VAV2: variants seen among roughly 807,000 people sequenced by gnomAD.
The protein encoded by VAV2 is guanine nucleotide exchange factor VAV2.
In VAV2, 67 loss-of-function variants were observed where a neutral mutation model predicts 132.5. That is an observed-to-expected ratio of 0.51 (90% CI 0.42 to 0.62). VAV2 has a LOEUF of 0.62. VAV2 is among the 20% of genes least tolerant of loss of function. VAV2 has a pLI of 0.00. For missense variants in VAV2, 938 were observed against 1,153.6 expected (o/e 0.81, Z 2.71); for synonymous variants, 492 against 443.5 (o/e 1.11, Z -1.37).
Position 133,788,581 on chromosome 9 carries a change from G to T in VAV2, c.1275-95C>A. ...AGCTGAGCCTGAGGCTCTGGCACGC[G>T]GCTCCCTCTCCGGGCGAGCCCTGCC... is the stretch of plus-strand genomic sequence containing the variant. On this transcript the variant is annotated intron_variant, in intron 14 of 29. Transcript: ENST00000371850. The surrounding 1 kb of genome is among the most constrained non-coding windows in gnomAD (Gnocchi z 5.3). 6.6e-7 allele frequency: 1 copy of T among 1,524,344 alleles called. No homozygotes were observed. The allele number at this position is 1,524,344 out of a possible 1,614,324, so 94.4% of individuals were successfully genotyped here.
At position 133,887,020 on chromosome 9, in the gene VAV2, G is replaced by A. The variant is rs193008695; in HGVS notation, c.322-25588C>T. On this transcript the variant is annotated intron_variant, in intron 2 of 29. Transcript: ENST00000371850. ...GTGCCAAGCCCCCCCTCCCCACCCC[G>A]GGCCCTCCTGCTCTCCCTCAGCAGT... is the stretch of plus-strand genomic sequence containing the variant. Among the ~76,000 whole-genome samples the A allele has an allele frequency of 2.3e-3, 333 of 144,130 alleles. 1 individual carries two copies. The highest frequency in any genetic ancestry group is 8.0e-3 in the African/African-American group (321 of 40,138). The allele number at this position is 144,130 out of a possible 152,430, so 94.6% of individuals were successfully genotyped here.
intron 4 of VAV2, among the ~76,000 whole-genome samples, chr9:133,814,038 T>C (rs1156635843): frequency 6.6e-6 from 1 of 151,420 alleles, no homozygotes; most frequent in East Asian, 2.0e-4. Context: ...GAGAGGTCCA[T>C]CTGGGTGTCG....
intron 2 of VAV2, among the ~76,000 whole-genome samples, chr9:133,893,891 G>C (rs998285048): frequency 2.6e-5 from 4 of 152,202 alleles, no homozygotes; most frequent in African/African-American, 9.7e-5. Context: ...ACACACAGTT[G>C]AATGCTTTAC....
intron 2 of VAV2, among the ~76,000 whole-genome samples, chr9:133,878,519 G>A (rs1157967068): frequency 6.6e-6 from 1 of 152,160 alleles, no homozygotes; most frequent in South Asian, 2.1e-4. Context: ...ACAACACACT[G>A]CCCACGGCTG....
intron 1 of VAV2, among the ~76,000 whole-genome samples, chr9:133,962,453 G>C (rs1211717699): frequency 2.6e-5 from 4 of 152,120 alleles, no homozygotes; most frequent in African/African-American, 7.2e-5. Flanking sequence ...AGAGGAGCTG[G>C]TGGGAGGAGC....
chr9:133,969,116 C>A lies in VAV2; in HGVS notation c.204+22959G>T, dbSNP rs530027282. Reference sequence around the variant, plus strand: ...GTTGCCTGAGATGAATCCCACATGCCGGGATTCACACTTCCCCCGAGAGCT... The same window carrying A: ...GTTGCCTGAGATGAATCCCACATGCAGGGATTCACACTTCCCCCGAGAGCT... On this transcript the variant is annotated intron_variant, in intron 1 of 29. Transcript: ENST00000371850. The surrounding 1 kb of genome is among the most constrained non-coding windows in gnomAD (Gnocchi z 5.1). Among the ~76,000 whole-genome samples the A allele has an allele frequency of 6.6e-6, 1 of 151,904 alleles. No individual in the cohort carries two copies. Among genetic ancestry groups the A allele is most frequent in the East Asian group, 1.9e-4 (1 of 5,174 alleles).
intron 4 of VAV2, among the ~76,000 whole-genome samples, chr9:133,812,927 G>A (rs1472027427): frequency 6.6e-6 from 1 of 152,186 alleles, no homozygotes; most frequent in Non-Finnish European, 1.5e-5. Flanking sequence ...GCAGACGCTC[G>A]TGTACTCGAT....
At chr9:133,938,059 T>C (rs1004047145) in intron 2 of VAV2, among the ~76,000 whole-genome samples, 2 of 152,234 alleles carry the variant, frequency 1.3e-5, no homozygotes, top group Non-Finnish European at 2.9e-5. Context: ...CTTCTCAGCA[T>C]GCGCCACTGC....
chr9:133,982,576 G>A (rs887851930), intron 1 of VAV2, among the ~76,000 whole-genome samples: 2 of 152,148 alleles, frequency 1.3e-5, no homozygotes, highest in Admixed American at 1.3e-4. Flanking sequence ...GGCTGGCGGG[G>A]CAGGAGGGCG....
intron 7 of VAV2, 102 bp from the exon 8 acceptor site, chr9:133,807,428 C>A (rs1835192743): frequency 8.2e-7 from 1 of 1,212,940 alleles, no homozygotes; most frequent in African/African-American, 1.5e-5. Flanking sequence ...GAGGCAGGCA[C>A]TGGGGTGCTC....
rs1842000779 is a variant in VAV2, at chr9:133,962,581, C to T, written c.205-23362G>A. Among the ~76,000 whole-genome samples the T allele has an allele frequency of 2.0e-5, 3 of 152,168 alleles. 1 individual carries two copies. In the South Asian group the frequency reaches 6.2e-4, roughly 32 times the overall value. On this transcript the variant is annotated intron_variant, in intron 1 of 29. Coordinates refer to ENST00000371850, the MANE Select transcript of VAV2 (RefSeq NM_001134398.2). ...CCCTGGGACGCCCACCCAGGCCTGG[C>T]TCCAGCTCTCCAAGCACAGTTAGCA...
chr9:133,814,655 C>T (rs1363741231), intron 4 of VAV2, among the ~76,000 whole-genome samples: 1 of 152,246 alleles, frequency 6.6e-6, no homozygotes, highest in Non-Finnish European at 1.5e-5. Context: ...GCCTGGAGAT[C>T]GTCCCGTGCA....
chr9:133,876,040 T>A lies in VAV2; in HGVS notation c.322-14608A>T, dbSNP rs527379709. On this transcript the variant is annotated intron_variant, in intron 2 of 29. Transcript: ENST00000371850. ...ATCGACGCTCGTCGTTCTCAGGCCTTTGGGCTCAGACTGGGACTCACGCCA... is the reference window on the plus strand; with the variant it reads ...ATCGACGCTCGTCGTTCTCAGGCCTATGGGCTCAGACTGGGACTCACGCCA... Among the ~76,000 whole-genome samples the A allele has an allele frequency of 8.5e-5, 13 of 152,332 alleles. No individual in the cohort carries two copies. The South Asian group carries it at 2.7e-3, about 32-fold the overall frequency.
At chr9:133,938,871 G>C (rs1314051933) in intron 2 of VAV2, among the ~76,000 whole-genome samples, 2 of 152,206 alleles carry the variant, frequency 1.3e-5, no homozygotes, top group African/African-American at 4.8e-5. Flanking sequence ...ACCATGACTG[G>C]AGAGAGAAAG....
At chr9:133,832,557 T>G (rs555412948) in intron 4 of VAV2, among the ~76,000 whole-genome samples, 4 of 149,604 alleles carry the variant, frequency 2.7e-5, no homozygotes, top group African/African-American at 1.0e-4. Flanking sequence ...TTTTGGAATT[T>G]TCTTTTTTTT....
chr9:133,825,730 G>A (rs1835962529), intron 4 of VAV2, among the ~76,000 whole-genome samples: 1 of 152,102 alleles, frequency 6.6e-6, no homozygotes, highest in African/African-American at 2.4e-5. Flanking sequence ...CTCACTCCTT[G>A]TACCCCTGCA....
intron 3 of VAV2, among the ~76,000 whole-genome samples, chr9:133,848,583 C>G (rs563968005): frequency 6.6e-6 from 1 of 152,234 alleles, no homozygotes; most frequent in African/African-American, 2.4e-5. Flanking sequence ...ACCAGATGGC[C>G]GATCCCAGGG....
At chr9:133,888,569 C>G (rs1187372941) in intron 2 of VAV2, among the ~76,000 whole-genome samples, 1 of 152,228 alleles carries the variant, frequency 6.6e-6, no homozygotes. Context: ...AGCCACGTCA[C>G]TCTCACAGAT....
chr9:133,966,551 CA>C (rs1842146470), intron 1 of VAV2, among the ~76,000 whole-genome samples: 1 of 152,058 alleles, frequency 6.6e-6, no homozygotes, highest in Non-Finnish European at 1.5e-5. Flanking sequence ...ACAAAACATA[CA>C]AAAATTAGCC....
Sources: gnomAD v4.1 joint callset for allele counts (sites outside exome capture counted in the v4.1 genomes callset) on GRCh38, gnomAD v4.1.1 for gene constraint, Gnocchi (gnomAD v3.1) non-coding constraint, MANE v1.5 for transcripts, NCBI Gene and HGNC (gene_info 2026-07-23, HGNC 2026-07-21) for gene names.